Variants in IGF1R observed in about 807,000 individuals in gnomAD.
The protein encoded by IGF1R is insulin like growth factor 1 receptor, also known as insulin-like growth factor 1 receptor.
IGF1R carries 44 observed loss-of-function variants against 144.6 expected under a neutral mutation model. That is an observed-to-expected ratio of 0.30 (90% CI 0.24 to 0.39). IGF1R has a LOEUF of 0.39. IGF1R is among the 10% of genes least tolerant of loss of function. The pLI, the probability that IGF1R is intolerant of heterozygous loss-of-function variation, is 1.00. For synonymous variants in IGF1R, 795 were observed against 722.8 expected, an observed-to-expected ratio of 1.10 and a Z score of -1.60; for missense variants, 1,355 against 1,833.7, an observed-to-expected ratio of 0.74 and a Z score of 4.77.
At chr15:98,833,485 A>G (rs565389154) in intron 2 of IGF1R, among the ~76,000 whole-genome samples, 1 of 152,254 alleles carries the variant, frequency 6.6e-6, no homozygotes, top group Non-Finnish European at 1.5e-5. Flanking sequence ...GTAAACCTTC[A>G]CTATTTCATG....
chr15:98,905,564 T>C (rs1315840049), intron 5 of IGF1R, among the ~76,000 whole-genome samples: 2 of 151,272 alleles, frequency 1.3e-5, no homozygotes, highest in Non-Finnish European at 2.9e-5. Context: ...CTTGGGAGGC[T>C]GAGGTAGGAG....
intron 2 of IGF1R, among the ~76,000 whole-genome samples, chr15:98,871,408 T>G (rs1273403412): frequency 6.6e-6 from 1 of 152,254 alleles, no homozygotes; most frequent in Non-Finnish European, 1.5e-5. Context: ...GGGACTTGCT[T>G]CTTCACCTGT....
intron 2 of IGF1R, among the ~76,000 whole-genome samples, chr15:98,754,985 G>A (rs1323250019): frequency 1.3e-5 from 2 of 152,068 alleles, no homozygotes; most frequent in Admixed American, 6.5e-5. Context: ...TTGTGTTATC[G>A]AAACAGATAT....
chr15:98,818,652 T>C lies in IGF1R; in HGVS notation c.641-72673T>C, dbSNP rs192318935. Among the ~76,000 whole-genome samples, 154 of 151,852 alleles carry C rather than the reference T, an allele frequency of 1.0e-3. 1 individual carries two copies. The highest frequency in any genetic ancestry group is 3.7e-3 in the African/African-American group (152 of 41,366). ...GCATTGGCACTGTTGGCATTTTGGG[T>C]GAGATAATTAGTTGTGGGGGGCTGT... On this transcript the variant is annotated intron_variant, in intron 2 of 20. Coordinates refer to ENST00000650285, the MANE Select transcript of IGF1R (RefSeq NM_000875.5).
chr15:98,753,797 G>A (rs77775771), intron 2 of IGF1R, among the ~76,000 whole-genome samples: 1,949 of 152,292 alleles, frequency 0.013, 18 homozygotes, highest in Middle Eastern at 0.024. Context: ...CTTGGAAAAT[G>A]TGAGATACAA....
chr15:98,856,675 A>G (rs1489066205), intron 2 of IGF1R, among the ~76,000 whole-genome samples: 1 of 152,240 alleles, frequency 6.6e-6, no homozygotes, highest in Non-Finnish European at 1.5e-5. Flanking sequence ...CAGGCTCTAA[A>G]AGGATGTTTG....
intron 20 of IGF1R, among the ~76,000 whole-genome samples, chr15:98,949,077 C>A (rs1052822663): frequency 2.6e-5 from 4 of 152,178 alleles, no homozygotes; most frequent in Non-Finnish European, 4.4e-5. Context: ...ACATACTACT[C>A]TGAAGTCGAA....
chr15:98,737,120 A>C (rs562880783), intron 2 of IGF1R, among the ~76,000 whole-genome samples: 14 of 152,324 alleles, frequency 9.2e-5, no homozygotes, highest in Non-Finnish European at 1.9e-4. Flanking sequence ...ACAGGGACTT[A>C]AAATGGAATG....
chr15:98,833,746 T>C (rs1187837817), intron 2 of IGF1R, among the ~76,000 whole-genome samples: 1 of 152,226 alleles, frequency 6.6e-6, no homozygotes, highest in African/African-American at 2.4e-5. Context: ...ATTTTCCAGG[T>C]TAAAAACAAA....
intron 1 of IGF1R, among the ~76,000 whole-genome samples, chr15:98,664,674 G>C (rs1330373139): frequency 7.3e-6 from 1 of 137,280 alleles, no homozygotes; most frequent in East Asian, 2.1e-4. Flanking sequence ...GCCTGGGCGA[G>C]AGTGAGACTC....
At chr15:98,755,718 CAAAAAAAAAAAAAAAA>C (rs56121011) in intron 2 of IGF1R, among the ~76,000 whole-genome samples, 420 of 34,494 alleles carry the variant, frequency 0.012, 1 homozygote, top group African/African-American at 0.053. Flanking sequence ...AACTCCATTG[CAAAAAAAAAAAAAAAA>C]AAAAAAAAAA....
At chr15:98,865,887 T>G (rs2012413301) in intron 2 of IGF1R, among the ~76,000 whole-genome samples, 1 of 151,734 alleles carries the variant, frequency 6.6e-6, no homozygotes, top group Non-Finnish European at 1.5e-5. Flanking sequence ...CCTAATTGAG[T>G]GTTGATGGAA....
chr15:98,799,367 TA>T (rs10710734), intron 2 of IGF1R, among the ~76,000 whole-genome samples: 138,033 of 147,292 alleles, frequency 0.94, 64,757 homozygotes, highest in Middle Eastern at 0.98. Flanking sequence ...GCAGTAAGTT[TA>T]AAAAAAAAAA....
At chr15:98,651,299 T>C (rs2052359349) in intron 1 of IGF1R, among the ~76,000 whole-genome samples, 1 of 152,180 alleles carries the variant, frequency 6.6e-6, no homozygotes, top group South Asian at 2.1e-4. Context: ...GGTTCGCGTG[T>C]TTACTGCCGA....
At chr15:98,671,482 G>A (rs1472082164) in intron 1 of IGF1R, among the ~76,000 whole-genome samples, 1 of 152,186 alleles carries the variant, frequency 6.6e-6, no homozygotes, top group African/African-American at 2.4e-5. Flanking sequence ...TAATTATAGG[G>A]GCAAGATTTG....
intron 2 of IGF1R, among the ~76,000 whole-genome samples, chr15:98,851,309 C>T (rs2011518461): frequency 6.6e-6 from 1 of 152,158 alleles, no homozygotes; most frequent in Admixed American, 6.5e-5. Flanking sequence ...GCAGAGAGGC[C>T]CCCCAGGTGG....
intron 2 of IGF1R, among the ~76,000 whole-genome samples, chr15:98,885,311 G>A (rs2013585913): frequency 6.6e-6 from 1 of 152,188 alleles, no homozygotes; most frequent in Non-Finnish European, 1.5e-5. Flanking sequence ...GGAGAAGAAT[G>A]CCCACGTCCT....
At chr15:98,663,272 G>A (rs1293380176) in intron 1 of IGF1R, among the ~76,000 whole-genome samples, 1 of 152,122 alleles carries the variant, frequency 6.6e-6, no homozygotes, top group Non-Finnish European at 1.5e-5. Context: ...CGCAAAACAG[G>A]TTGGCTGCAG....
Position 98,698,326 on chromosome 15 carries a change from C to G in IGF1R, c.95-9236C>G, listed in dbSNP as rs572655831. 9.2e-4 allele frequency among the ~76,000 whole-genome samples: 140 copies of G among 152,282 alleles called. 1 individual carries two copies. The highest frequency in any genetic ancestry group is 3.3e-3 in the African/African-American group (138 of 41,558). ...TGCTGGGATCACAGGTGTGAGCCAC[C>G]ACGCCCACCGGCCTCCCATCTTAAC... On this transcript the variant is annotated intron_variant, in intron 1 of 20. Coordinates refer to ENST00000650285, the MANE Select transcript of IGF1R (RefSeq NM_000875.5).
Sources: gnomAD v4.1 joint callset for allele counts (sites outside exome capture counted in the v4.1 genomes callset) on GRCh38, gnomAD v4.1.1 for gene constraint, MANE v1.5 for transcripts, NCBI Gene and HGNC (gene_info 2026-07-23, HGNC 2026-07-21) for gene names.